Variants in DNMT1 observed in about 807,000 individuals in gnomAD.
DNMT1 encodes the protein DNA (cytosine-5)-methyltransferase 1.
DNMT1 carries 24 observed loss-of-function variants against 205.3 expected under a neutral mutation model. That is an observed-to-expected ratio of 0.12 (90% CI 0.08 to 0.16). DNMT1 has a LOEUF of 0.16. DNMT1 is among the 10% of genes least tolerant of loss of function. The pLI is 1.00. For missense variants in DNMT1, 1,293 were observed against 2,177.7 expected, an observed-to-expected ratio of 0.59 and a Z score of 8.09; for synonymous variants, 817 against 839.8, an observed-to-expected ratio of 0.97 and a Z score of 0.47.
rs182700451 is a variant in DNMT1, at chr19:10,187,008, G to A, written c.81-4931C>T. Among the ~76,000 whole-genome samples the A allele has an allele frequency of 8.4e-4, 128 of 152,134 alleles. No individual in the cohort carries two copies. The Middle Eastern group carries it at 0.01, about 12-fold the overall frequency. ...GCTGCTCAAACAGGGGCACCATTGA[G>A]AAGTGGCTGGTTCTGGAAACACACA... On this transcript the variant is annotated intron_variant, in intron 1 of 40. Coordinates refer to ENST00000359526, the MANE Select transcript of DNMT1 (RefSeq NM_001130823.3).
intron 9 of DNMT1, among the ~76,000 whole-genome samples, chr19:10,168,841 CATTT>C (rs1403195858): frequency 6.6e-6 from 1 of 151,980 alleles, no homozygotes. Flanking sequence ...TGCATTTATT[CATTT>C]ATTTATTTAT....
rs570722010 is a variant in DNMT1 at position 10,144,942 on chromosome 19, C to T, written c.2895-955G>A. On this transcript the variant is annotated intron_variant, in intron 28 of 40. Coordinates refer to ENST00000359526, the MANE Select transcript of DNMT1 (RefSeq NM_001130823.3). ...TTATTTTTAGTAGAGACAGGTATGTCGGCCAGGCTGGTCTTGGTCTTGAAC... is the reference window on the plus strand; with the variant it reads ...TTATTTTTAGTAGAGACAGGTATGTTGGCCAGGCTGGTCTTGGTCTTGAAC... Among the ~76,000 whole-genome samples the T allele has an allele frequency of 7.2e-5, 11 of 152,318 alleles. No homozygotes were observed. The South Asian group carries it at 8.3e-4, about 11-fold the overall frequency.
intron 1 of DNMT1, among the ~76,000 whole-genome samples, chr19:10,185,229 T>C (rs970570465): frequency 2.0e-5 from 3 of 151,824 alleles, no homozygotes; most frequent in Admixed American, 6.6e-5. Context: ...ATGGAGACCA[T>C]CCTGGCTAAC....
Position 10,143,958 on chromosome 19 carries a change from G to T in DNMT1, c.2924C>A (p.Pro975Gln). ...GTCCTCATCCACGGGCTCCTTCCGT[G>T]GGCGTTTCACGGGACTGGACAGCTT... ...NIKLSSPVKR[P>Q]RKEPVDEDLY... is the part of the protein sequence containing the mutation. The change falls in exon 29 of 41, where the codon CCA (proline) becomes CAA (glutamine). Residue 975 changes from proline (P) to glutamine (Q), a missense_variant. Pro to Gln is a moderately conservative substitution (Grantham distance 76, BLOSUM62 -1). Coordinates refer to ENST00000359526, the MANE Select transcript of DNMT1 (RefSeq NM_001130823.3). 1 of 1,614,006 alleles carries T rather than the reference G, an allele frequency of 6.2e-7. No homozygotes were observed. Among genetic ancestry groups the T allele is most frequent in the South Asian group, 1.1e-5 (1 of 91,076 alleles).
rs185094751 is a variant in DNMT1, at chr19:10,154,097, C to A, written c.2019+196G>T. Among the ~76,000 whole-genome samples the A allele has an allele frequency of 6.6e-6, 1 of 152,182 alleles. No individual in the cohort carries two copies. The highest frequency in any genetic ancestry group is 2.4e-5 in the African/African-American group (1 of 41,458). Reference sequence around the variant, plus strand: ...ATTATCAGCAAAGCACCCAAGCATGCCTCTGTGGACATCTGTCCTATTGAC... The same window carrying A: ...ATTATCAGCAAAGCACCCAAGCATGACTCTGTGGACATCTGTCCTATTGAC... On this transcript the variant is annotated intron_variant, in intron 22 of 40. Coordinates refer to ENST00000359526, the MANE Select transcript of DNMT1 (RefSeq NM_001130823.3). This position sits in a 1 kb window ranked among gnomAD's most constrained non-coding sequence, Gnocchi z 6.3.
At chr19:10,141,484 T>C in intron 30 of DNMT1, 2 of 438,762 alleles carry the variant, frequency 4.6e-6, no homozygotes, top group South Asian at 4.3e-5. Flanking sequence ...TTGGGCTACC[T>C]CATCCATGCC....
Position 10,146,522 on chromosome 19 carries a change from A to C in DNMT1, c.2723T>G (p.Phe908Cys), listed in dbSNP as rs768990499. Residue 908 changes from phenylalanine (F) to cysteine (C), a missense_variant and splice_region_variant, in exon 28 of 41, where the codon TTC becomes TGC. Transcript: ENST00000359526. The surrounding 1 kb of genome is among the most constrained non-coding windows in gnomAD (Gnocchi z 4.4). The stretch of plus-strand genomic sequence containing the variant: ...AGCCAGACGGGCACAGCTCACACAG[A>C]ATCTGAAGGAAACAAAGGGACAGAA... ...TQPTEDNKFK[F>C]CVSCARLAEM... 6.2e-7 allele frequency: 1 copy of C among 1,614,022 alleles called. No homozygotes were observed. The highest frequency in any genetic ancestry group is 1.1e-5 in the South Asian group (1 of 91,074).
intron 19 of DNMT1, 105 bp from the exon 20 acceptor site, chr19:10,155,161 G>T (rs1253561367): frequency 1.4e-6 from 2 of 1,452,528 alleles, no homozygotes; most frequent in Admixed American, 3.5e-5. Context: ...CAGTCTAAAA[G>T]TCATCCCGTA....
intron 9 of DNMT1, among the ~76,000 whole-genome samples, chr19:10,169,229 G>A (rs1000955552): frequency 6.6e-6 from 1 of 151,796 alleles, no homozygotes; most frequent in Non-Finnish European, 1.5e-5. Context: ...TGAAGAGATC[G>A]CAAAGGTCAG....
rs2089418369 is a variant in DNMT1 at position 10,133,597 on chromosome 19, G to A, written c.*70C>T. The A allele has an allele frequency of 2.6e-6, 4 of 1,531,912 alleles. No homozygotes were observed. The highest frequency in any genetic ancestry group is 3.6e-6 in the Non-Finnish European group (4 of 1,125,960). The allele number at this position is 1,531,912 out of a possible 1,614,324, so 94.9% of individuals were successfully genotyped here. On this transcript the variant is annotated 3_prime_UTR_variant, in exon 41 of 41. Coordinates refer to ENST00000359526, the MANE Select transcript of DNMT1 (RefSeq NM_001130823.3). This position sits in a 1 kb window ranked among gnomAD's most constrained non-coding sequence, Gnocchi z 4.1. ...CACATGTGAACGGACAGATTGACAT[G>A]TTAAAAACACAACATCAGTGCATGT...
At chr19:10,152,160 C>CAAAAAA (rs56725732) in intron 22 of DNMT1, among the ~76,000 whole-genome samples, 35 of 14,326 alleles carry the variant, frequency 2.4e-3, no homozygotes, top group African/African-American at 5.9e-3. Context: ...AACTCCATCT[C>CAAAAAA]AAAAAAAAAA....
At chr19:10,162,275 A>G (rs940720183) in intron 13 of DNMT1, among the ~76,000 whole-genome samples, 2 of 150,182 alleles carry the variant, frequency 1.3e-5, no homozygotes, top group Non-Finnish European at 3.0e-5. Context: ...AGCAGCTGGG[A>G]CTACAGGCAT....
intron 1 of DNMT1, among the ~76,000 whole-genome samples, chr19:10,192,404 T>C (rs560069440): frequency 6.6e-6 from 1 of 152,234 alleles, no homozygotes; most frequent in Non-Finnish European, 1.5e-5. Flanking sequence ...ATTCCTAGAC[T>C]ATGGATATAG....
chr19:10,188,922 A>G (rs542411274), intron 1 of DNMT1, among the ~76,000 whole-genome samples: 24 of 152,010 alleles, frequency 1.6e-4, no homozygotes, highest in Non-Finnish European at 2.8e-4. Context: ...TTCTGCCAAC[A>G]CCCCAAAATA....
chr19:10,137,661 C>T lies in DNMT1; in HGVS notation c.4293+171G>A. On this transcript the variant is annotated intron_variant, in intron 36 of 40. Transcript: ENST00000359526. This position sits in a 1 kb window ranked among gnomAD's most constrained non-coding sequence, Gnocchi z 6.4. ...GTCCAGGACTGCGGGAGCTCTGACA[C>T]TTCCCATGACCATGCAAGAGAGACC... 3.1e-6 allele frequency: 3 copies of T among 968,978 alleles called. No homozygotes were observed. Among genetic ancestry groups the T allele is most frequent in the Non-Finnish European group, 4.7e-6 (3 of 642,532 alleles). 60.0% of individuals were successfully genotyped at this position (968,978 alleles called of 1,614,324 possible).
At chr19:10,193,670 AAAAAAAAAAAAAG>A (rs2039345083) in intron 1 of DNMT1, among the ~76,000 whole-genome samples, 1 of 151,498 alleles carries the variant, frequency 6.6e-6, no homozygotes. Context: ...GCCTTCAAAA[AAAAAAAAAAAAAG>A]AAAAGAAAAA....
intron 9 of DNMT1, among the ~76,000 whole-genome samples, chr19:10,169,370 G>A (rs901127459): frequency 2.4e-4 from 31 of 128,290 alleles, no homozygotes; most frequent in South Asian, 1.2e-3. Flanking sequence ...GTGAAACCCC[G>A]TCTCTACTAA....
intron 12 of DNMT1, 55 bp from the exon 13 acceptor site, chr19:10,162,803 G>A (rs1316121048): frequency 1.3e-5 from 21 of 1,580,120 alleles, no homozygotes; most frequent in Middle Eastern, 1.7e-4. Flanking sequence ...TAACCACATC[G>A]CCAACTCGCA....
chr19:10,175,704 G>T (rs1016784156), intron 6 of DNMT1, 86 bp from the exon 7 acceptor site: 3 of 1,259,504 alleles, frequency 2.4e-6, no homozygotes, highest in South Asian at 2.4e-5. Flanking sequence ...TCACCAGGAT[G>T]TTGAAAGAGG....
Sources: allele counts gnomAD v4.1 joint callset (sites outside exome capture counted in the v4.1 genomes callset), GRCh38; gene constraint gnomAD v4.1.1; non-coding constraint Gnocchi (gnomAD v3.1); transcripts MANE v1.5; gene names NCBI Gene and HGNC (gene_info 2026-07-23, HGNC 2026-07-21).